Variants in GALNT13 observed in about 807,000 individuals in gnomAD.
GALNT13 encodes the protein polypeptide N-acetylgalactosaminyltransferase 13, also known as UDP-GalNAc:polypeptide N-acetylgalactosaminyltransferase 13.
Under a neutral mutation model 64.2 loss-of-function variants are expected in GALNT13, and 28 were observed. The observed-to-expected ratio is 0.44, with a 90% CI of 0.32 to 0.60. The LOEUF is 0.60. GALNT13 is among the 20% of genes least tolerant of loss of function. The pLI is 0.05. For missense variants in GALNT13, 577 were observed against 669.8 expected, an observed-to-expected ratio of 0.86 and a Z score of 1.53; for synonymous variants, 214 against 224.6, an observed-to-expected ratio of 0.95 and a Z score of 0.42.
At chr2:153,112,613 C>A in the GALNT13 span, among the ~76,000 whole-genome samples, 1 of 152,032 alleles carries the variant, frequency 6.6e-6, no homozygotes, top group Non-Finnish European at 1.5e-5. Flanking sequence ...TGTTCCCAGG[C>A]TAATGTTTTG....
At chr2:154,417,521 A>ATTTATTTATTTATTTTTTTT (rs1553529811) in intron 11 of GALNT13, among the ~76,000 whole-genome samples, 1 of 139,050 alleles carries the variant, frequency 7.2e-6, no homozygotes, top group African/African-American at 2.8e-5. Context: ...TTATTTATTT[A>ATTTATTTATTTATTTTTTTT]TTTTTTTGAG....
At chr2:154,169,568 G>T (rs1197695043) in intron 4 of GALNT13, among the ~76,000 whole-genome samples, 1 of 152,076 alleles carries the variant, frequency 6.6e-6, no homozygotes, top group Admixed American at 6.6e-5. Flanking sequence ...CCCCATATTG[G>T]CACTAGTGAG....
chr2:153,558,757 T>C, the GALNT13 span, among the ~76,000 whole-genome samples: 1 of 152,258 alleles, frequency 6.6e-6, no homozygotes, highest in Non-Finnish European at 1.5e-5. Context: ...CATGTTTCTC[T>C]GAAAGTGTTC....
rs577762787 is a variant in GALNT13, at chr2:154,213,087, A to G, written c.312-28943A>G. On this transcript the variant is annotated intron_variant, in intron 4 of 12. Transcript: ENST00000392825. ...TGAAGTATGAACTTAGGAAAAAAGG[A>G]AGTCAGGTTTTTGTTCATTTGTCCA... Among the ~76,000 whole-genome samples the G allele has an allele frequency of 2.5e-4, 38 of 152,166 alleles. 1 individual carries two copies. In the South Asian group the frequency reaches 7.9e-3, roughly 32 times the overall value.
chr2:153,503,248 T>C, the GALNT13 span, among the ~76,000 whole-genome samples: 1 of 152,202 alleles, frequency 6.6e-6, no homozygotes, highest in Non-Finnish European at 1.5e-5. Context: ...CTTGAGTTGA[T>C]TTTTGTATAA....
the GALNT13 span, among the ~76,000 whole-genome samples, chr2:153,669,405 T>C: frequency 1.6e-4 from 25 of 152,366 alleles, no homozygotes; most frequent in African/African-American, 4.6e-4. Context: ...TTGGGTATTA[T>C]GCTTATTACA....
the GALNT13 span, among the ~76,000 whole-genome samples, chr2:153,351,092 G>A: frequency 3.3e-5 from 5 of 152,050 alleles, no homozygotes; most frequent in South Asian, 2.1e-4. Flanking sequence ...CTATCTAATG[G>A]TAGTGTATCT....
the GALNT13 span, among the ~76,000 whole-genome samples, chr2:153,632,754 T>G: frequency 6.6e-6 from 1 of 152,078 alleles, no homozygotes; most frequent in Non-Finnish European, 1.5e-5. Flanking sequence ...TTTATTTTAT[T>G]TATGTATTTA....
chr2:154,024,039 T>A lies in GALNT13; in HGVS notation c.142+79400T>A, dbSNP rs556484422. On this transcript the variant is annotated intron_variant, in intron 3 of 12. Transcript: ENST00000392825. ...ATATTGGTCCCCACTCTCTTCTGGC[T>A]TGTAGAGTTTCTGCCGAGAGATCAG... Among the ~76,000 whole-genome samples the A allele has an allele frequency of 4.2e-3, 639 of 152,340 alleles. 3 individuals are homozygous for A. The highest frequency in any genetic ancestry group is 0.015 in the African/African-American group (625 of 41,566).
the GALNT13 span, among the ~76,000 whole-genome samples, chr2:153,153,992 T>C: frequency 6.7e-6 from 1 of 149,690 alleles, no homozygotes; most frequent in Non-Finnish European, 1.5e-5. Context: ...TTGAGCAGTA[T>C]GGCCATTTCA....
the GALNT13 span, among the ~76,000 whole-genome samples, chr2:153,752,772 G>A: frequency 6.6e-6 from 1 of 151,976 alleles, no homozygotes; most frequent in African/African-American, 2.4e-5. Context: ...CTTGTCCTAG[G>A]ATATTGATAT....
At chr2:153,507,465 G>C in the GALNT13 span, among the ~76,000 whole-genome samples, 1 of 151,994 alleles carries the variant, frequency 6.6e-6, no homozygotes, top group Non-Finnish European at 1.5e-5. Flanking sequence ...ATTTTTAGTA[G>C]AGATGGGATC....
At chr2:153,413,394 A>G in the GALNT13 span, among the ~76,000 whole-genome samples, 1,859 of 152,188 alleles carry the variant, frequency 0.012, 41 homozygotes, top group African/African-American at 0.043. Context: ...CCTGAGCAAA[A>G]CACCCTTGCC....
chr2:154,256,365 A>C (rs570198476), intron 7 of GALNT13, among the ~76,000 whole-genome samples: 4 of 152,348 alleles, frequency 2.6e-5, no homozygotes, highest in African/African-American at 4.8e-5. Flanking sequence ...ATGGATTGGA[A>C]GAAGGGAAGA....
intron 3 of GALNT13, among the ~76,000 whole-genome samples, chr2:153,951,551 G>A (rs1692183323): frequency 6.6e-6 from 1 of 152,142 alleles, no homozygotes; most frequent in South Asian, 2.1e-4. Flanking sequence ...TCTGGCAGGT[G>A]TAGGAGAGGG....
intron 3 of GALNT13, among the ~76,000 whole-genome samples, chr2:154,029,619 A>G (rs998644859): frequency 1.3e-4 from 20 of 152,186 alleles, no homozygotes; most frequent in African/African-American, 4.8e-4. Flanking sequence ...CTCATTCTTT[A>G]ATGTCCTACG....
At chr2:154,236,120 TCTGA>T in intron 4 of GALNT13, 1 of 1,146,174 alleles carries the variant, frequency 8.7e-7, no homozygotes, top group Non-Finnish European at 1.1e-6. Flanking sequence ...GAGAAGACTT[TCTGA>T]CTTTCCCTGC....
At chr2:153,755,833 G>T in the GALNT13 span, among the ~76,000 whole-genome samples, 7 of 152,008 alleles carry the variant, frequency 4.6e-5, no homozygotes, top group African/African-American at 1.7e-4. Context: ...ATTACAATAA[G>T]TACCCAAATC....
intron 4 of GALNT13, among the ~76,000 whole-genome samples, chr2:154,145,088 CTATCTATCTATCTA>C (rs1683501008): frequency 8.2e-6 from 1 of 121,234 alleles, no homozygotes; most frequent in African/African-American, 2.9e-5. Flanking sequence ...ATCTATCTAT[CTATCTATCTATCTA>C]TATATATATA....
Sources: allele counts gnomAD v4.1 joint callset (sites outside exome capture counted in the v4.1 genomes callset), GRCh38; gene constraint gnomAD v4.1.1; transcripts MANE v1.5; gene names NCBI Gene and HGNC (gene_info 2026-07-23, HGNC 2026-07-21).